The following GPR137C variants were observed in gnomAD, a reference collection of about 807,000 sequenced individuals.
GPR137C encodes the protein G protein-coupled receptor 137C.
GPR137C carries 27 observed loss-of-function variants against 43.4 expected under a neutral mutation model. The observed-to-expected ratio is 0.62, with a 90% CI of 0.46 to 0.86. The LOEUF (loss-of-function observed/expected upper bound fraction) is 0.86, where lower values mean the gene tolerates loss of function less well. Among genes scored for constraint, GPR137C ranks in the 40% least tolerant of loss-of-function variants. GPR137C has a pLI of 0.00. For missense variants in GPR137C, 522 were observed against 534.6 expected, an observed-to-expected ratio of 0.98 and a Z score of 0.23; for synonymous variants, 285 against 226.9, an observed-to-expected ratio of 1.26 and a Z score of -2.30.
At chr14:52,573,114 G>T (rs1278435701) in intron 1 of GPR137C, among the ~76,000 whole-genome samples, 1 of 152,150 alleles carries the variant, frequency 6.6e-6, no homozygotes, top group African/African-American at 2.4e-5. Context: ...CTCATGGATA[G>T]AAGAATCAAT....
chr14:52,619,208 C>G lies in GPR137C; in HGVS notation c.718-12952C>G, dbSNP rs1324472172. Among the ~76,000 whole-genome samples the G allele has an allele frequency of 2.6e-5, 4 of 152,064 alleles. No homozygotes were observed. In the East Asian group the frequency reaches 7.7e-4, roughly 29 times the overall value. ...TATCTTTCATACAAGGCAACTAATT[C>G]TATACAGCTAACGCAATGGTTTATG... On this transcript the variant is annotated intron_variant, in intron 3 of 6. Transcript: ENST00000321662.
intron 3 of GPR137C, among the ~76,000 whole-genome samples, chr14:52,627,267 C>T (rs2039238845): frequency 6.6e-6 from 1 of 152,020 alleles, no homozygotes; most frequent in Admixed American, 6.6e-5. Flanking sequence ...GTGGTGTGCA[C>T]CTGTAGTCCT....
chr14:52,607,900 G>A (rs1330887086), intron 3 of GPR137C, among the ~76,000 whole-genome samples: 1 of 151,878 alleles, frequency 6.6e-6, no homozygotes, highest in East Asian at 1.9e-4. Flanking sequence ...AAAAGACAAG[G>A]TCTATTTTAT....
chr14:52,631,953 C>CAAAAAAAAA (rs35962083), intron 3 of GPR137C, among the ~76,000 whole-genome samples: 1 of 128,960 alleles, frequency 7.8e-6, no homozygotes, highest in Non-Finnish European at 1.7e-5. Context: ...GGCAAGTTGG[C>CAAAAAAAAA]AAAAAAAAAA....
intron 1 of GPR137C, among the ~76,000 whole-genome samples, chr14:52,559,537 G>A (rs1485499942): frequency 6.6e-6 from 1 of 151,970 alleles, no homozygotes; most frequent in Non-Finnish European, 1.5e-5. Flanking sequence ...TAGTAAATGA[G>A]GGAAAAGGGG....
chr14:52,556,980 T>A (rs943501770), intron 1 of GPR137C, among the ~76,000 whole-genome samples: 24 of 152,204 alleles, frequency 1.6e-4, no homozygotes, highest in African/African-American at 4.3e-4. Flanking sequence ...AAATTCAAAA[T>A]CTTAACTCTT....
intron 1 of GPR137C, among the ~76,000 whole-genome samples, chr14:52,590,449 C>T (rs1464236089): frequency 6.6e-6 from 1 of 152,070 alleles, no homozygotes; most frequent in Non-Finnish European, 1.5e-5. Flanking sequence ...CATAAGTGTA[C>T]AATGTTTATA....
intron 3 of GPR137C, among the ~76,000 whole-genome samples, chr14:52,625,157 G>A (rs1489357465): frequency 6.6e-6 from 1 of 152,034 alleles, no homozygotes; most frequent in Non-Finnish European, 1.5e-5. Flanking sequence ...ATTTAAAGAA[G>A]AAACAACACC....
chr14:52,630,254 A>G (rs1197427946), intron 3 of GPR137C, among the ~76,000 whole-genome samples: 6 of 152,108 alleles, frequency 3.9e-5, no homozygotes, highest in Admixed American at 3.9e-4. Flanking sequence ...GTATTTACAA[A>G]TTTAAACAGT....
chr14:52,590,510 A>G (rs1018337975), intron 1 of GPR137C, among the ~76,000 whole-genome samples: 1 of 152,200 alleles, frequency 6.6e-6, no homozygotes, highest in Non-Finnish European at 1.5e-5. Context: ...TTCACTTACC[A>G]CTAACTCACT....
chr14:52,594,880 T>C (rs1163567432), intron 1 of GPR137C, among the ~76,000 whole-genome samples: 4 of 152,214 alleles, frequency 2.6e-5, no homozygotes, highest in Admixed American at 2.6e-4. Flanking sequence ...GCTGGTTATT[T>C]TGCCCGTTAA....
chr14:52,601,934 C>T (rs2038931173), intron 3 of GPR137C, among the ~76,000 whole-genome samples: 1 of 151,722 alleles, frequency 6.6e-6, no homozygotes, highest in Non-Finnish European at 1.5e-5. Context: ...TATTAGAACA[C>T]CATTCCCTTA....
rs1249845974 is a variant in GPR137C at position 52,637,494 on chromosome 14, A to G, written c.*2379A>G. ...ATTAATTTTGAAACCTTTACCACTC[A>G]TTGTAGTTGGTTGTAGTTTTATGGA... On this transcript the variant is annotated 3_prime_UTR_variant, in exon 7 of 7. Transcript: ENST00000321662. 1.3e-5 allele frequency: 2 copies of G among 152,128 alleles called. No homozygotes were observed. The allele number at this position is 152,128 out of a possible 1,614,324, so 9.4% of individuals were successfully genotyped here.
In GPR137C at chr14:52,585,605, G is replaced by A. The variant is rs573598095; in HGVS notation, c.445-12667G>A. ...TCCCAGCACTTTGGGAGGCCAAGGC[G>A]GGTGGATCACTTGAGGTCAGGAGTT... On this transcript the variant is annotated intron_variant, in intron 1 of 6. Coordinates refer to ENST00000321662, the MANE Select transcript of GPR137C (RefSeq NM_001099652.2). Among the ~76,000 whole-genome samples, 11 of 152,268 alleles carry A rather than the reference G, an allele frequency of 7.2e-5. No homozygotes were observed. In the East Asian group the frequency reaches 7.7e-4, roughly 11 times the overall value.
intron 1 of GPR137C, among the ~76,000 whole-genome samples, chr14:52,555,528 C>T (rs1379564067): frequency 6.6e-6 from 1 of 152,134 alleles, no homozygotes; most frequent in African/African-American, 2.4e-5. Flanking sequence ...GCTCAAAATT[C>T]TGAAGGTATG....
chr14:52,593,073 C>T (rs1469035667), intron 1 of GPR137C, among the ~76,000 whole-genome samples: 1 of 152,076 alleles, frequency 6.6e-6, no homozygotes, highest in Non-Finnish European at 1.5e-5. Context: ...GCCTTTTCTG[C>T]ATCTATTGAG....
chr14:52,612,245 T>A, intron 3 of GPR137C: 1 of 972,038 alleles, frequency 1.0e-6, no homozygotes, highest in Non-Finnish European at 1.2e-6. Flanking sequence ...TGGAACTCAG[T>A]GTAAATGTAA....
rs1270329460 is a variant in GPR137C at position 52,614,720 on chromosome 14, T to C, written c.717+14379T>C. ...CAGGCTGGCCTTGAACTCTTGGTCT[T>C]AAGCTATCCTTCTGACTCAACCTCC... On this transcript the variant is annotated intron_variant, in intron 3 of 6. Transcript: ENST00000321662. Among the ~76,000 whole-genome samples the C allele has an allele frequency of 2.0e-5, 3 of 152,206 alleles. No homozygotes were observed. The East Asian group carries it at 5.8e-4, about 29-fold the overall frequency.
intron 3 of GPR137C, among the ~76,000 whole-genome samples, chr14:52,624,985 T>C (rs910253389): frequency 6.6e-6 from 1 of 152,168 alleles, no homozygotes; most frequent in Non-Finnish European, 1.5e-5. Context: ...AATGGACAAA[T>C]TCTTTTAAAT....
Sources: allele counts gnomAD v4.1 joint callset (sites outside exome capture counted in the v4.1 genomes callset), GRCh38; gene constraint gnomAD v4.1.1; transcripts MANE v1.5; gene names NCBI Gene and HGNC (gene_info 2026-07-23, HGNC 2026-07-21).